NRG1: variants seen among roughly 807,000 people sequenced by gnomAD.
NRG1 encodes the protein neuregulin 1, also known as pro-neuregulin-1, membrane-bound isoform.
Under a neutral mutation model 63.8 loss-of-function variants are expected in NRG1, and 18 were observed. The ratio of observed to expected loss-of-function variants is 0.28; its 90% confidence interval spans 0.19 to 0.42. The LOEUF is 0.42. NRG1 is among the 10% of genes least tolerant of loss of function. The pLI, the probability that NRG1 is intolerant of heterozygous loss-of-function variation, is 1.00. For missense variants in NRG1, 762 were observed against 814.7 expected (o/e 0.94, Z 0.79); for synonymous variants, 302 against 301.3 (o/e 1.00, Z -0.02).
At chr8:32,256,350 G>C (rs1213409117) in intron 1 of NRG1, 2 of 152,132 alleles carry the variant, frequency 1.3e-5, no homozygotes, top group African/African-American at 2.4e-5. Flanking sequence ...TTTGATACTG[G>C]TGACCTTTGG....
chr8:32,235,370 C>G (rs543851097), intron 1 of NRG1, among the ~76,000 whole-genome samples: 1 of 151,934 alleles, frequency 6.6e-6, no homozygotes, highest in Non-Finnish European at 1.5e-5. Context: ...TGCACTCTAC[C>G]CTAGGGTGCA....
At chr8:32,560,988 A>G (rs1427703714) in intron 1 of NRG1, among the ~76,000 whole-genome samples, 1 of 152,212 alleles carries the variant, frequency 6.6e-6, no homozygotes, top group Non-Finnish European at 1.5e-5. Flanking sequence ...GGTCTTAAAT[A>G]TAACTACAGT....
chr8:31,971,551 TA>T (rs1331862130), intron 1 of NRG1, among the ~76,000 whole-genome samples: 4 of 152,164 alleles, frequency 2.6e-5, no homozygotes, highest in African/African-American at 9.7e-5. Context: ...AAAAAATGCC[TA>T]CATTTGAAAC....
At chr8:32,589,486 C>T (rs577021469) in intron 1 of NRG1, among the ~76,000 whole-genome samples, 2 of 152,324 alleles carry the variant, frequency 1.3e-5, no homozygotes, top group South Asian at 4.1e-4. Context: ...GCAGGGAAGA[C>T]TTAGCTGGGA....
Position 31,858,991 on chromosome 8 carries a change from C to G in NRG1, c.37+219560C>G, listed in dbSNP as rs1828216351. 2.6e-5 allele frequency among the ~76,000 whole-genome samples: 4 copies of G among 152,138 alleles called. No individual in the cohort carries two copies. The South Asian group carries it at 8.3e-4, about 32-fold the overall frequency. ...ATACTTTCCAGGAGTTCATCAAATC[C>G]TGAAGTATAGATTTTTATGCTACAG... On this transcript the variant is annotated intron_variant, in intron 1 of 10. Transcript: ENST00000519301.
At chr8:31,888,346 A>T (rs1040933582) in intron 1 of NRG1, among the ~76,000 whole-genome samples, 4 of 152,176 alleles carry the variant, frequency 2.6e-5, no homozygotes, top group African/African-American at 9.6e-5. Flanking sequence ...GTCACAGTTC[A>T]GCAAAACAAA....
chr8:32,454,195 A>G lies in NRG1; in HGVS notation c.38-141633A>G, dbSNP rs189898076. On this transcript the variant is annotated intron_variant, in intron 1 of 10. Coordinates refer to the NRG1 transcript ENST00000519301. Reference sequence around the variant, plus strand: ...AATTGTGGAGGAATTCTGGATCTGTATTTTATTGTGTATTACCAATTATTT... The same window carrying G: ...AATTGTGGAGGAATTCTGGATCTGTGTTTTATTGTGTATTACCAATTATTT... 2.0e-5 allele frequency among the ~76,000 whole-genome samples: 3 copies of G among 152,236 alleles called. No individual in the cohort carries two copies. In the East Asian group the frequency reaches 5.8e-4, roughly 29 times the overall value.
chr8:32,021,823 A>G (rs796708592), intron 1 of NRG1, among the ~76,000 whole-genome samples: 18 of 152,244 alleles, frequency 1.2e-4, no homozygotes, highest in African/African-American at 4.1e-4. Context: ...CATTGGTATT[A>G]TTTTCATTAA....
intron 1 of NRG1, among the ~76,000 whole-genome samples, chr8:32,498,617 C>T (rs955379947): frequency 6.6e-6 from 1 of 152,152 alleles, no homozygotes. Flanking sequence ...GACCAGGTCC[C>T]TTCCATGACA....
At chr8:31,840,874 T>C (rs1399362388) in intron 1 of NRG1, among the ~76,000 whole-genome samples, 2 of 152,162 alleles carry the variant, frequency 1.3e-5, no homozygotes, top group East Asian at 3.9e-4. Flanking sequence ...ATGCTTTCAG[T>C]TCCTATACAG....
intron 1 of NRG1, among the ~76,000 whole-genome samples, chr8:32,178,944 A>T (rs1368653995): frequency 6.6e-6 from 1 of 152,110 alleles, no homozygotes; most frequent in Admixed American, 6.6e-5. Context: ...ATAAGAAAGC[A>T]ATCAGGATCT....
At chr8:32,454,286 T>A (rs768593238) in intron 1 of NRG1, among the ~76,000 whole-genome samples, 4 of 152,202 alleles carry the variant, frequency 2.6e-5, no homozygotes, top group Non-Finnish European at 4.4e-5. Flanking sequence ...GAAAAATTAT[T>A]GGCAGCTATG....
intron 1 of NRG1, among the ~76,000 whole-genome samples, chr8:31,796,170 G>A (rs1821185100): frequency 6.6e-6 from 1 of 152,116 alleles, no homozygotes; most frequent in African/African-American, 2.4e-5. Flanking sequence ...ATTCTCATAT[G>A]TTAAGACCAC....
chr8:32,252,486 TA>T (rs1185870293), intron 1 of NRG1, among the ~76,000 whole-genome samples: 3 of 152,172 alleles, frequency 2.0e-5, no homozygotes, highest in Non-Finnish European at 4.4e-5. Context: ...GTCAGGTTTG[TA>T]AAAAATCAGA....
chr8:32,583,706 C>T (rs975140580), intron 1 of NRG1, among the ~76,000 whole-genome samples: 2 of 152,182 alleles, frequency 1.3e-5, no homozygotes, highest in Non-Finnish European at 2.9e-5. Flanking sequence ...CAATGCCCTA[C>T]CCTGGGCTCA....
At position 32,003,112 on chromosome 8, in the gene NRG1, T is replaced by C. The variant is rs1813210470; in HGVS notation, c.37+363681T>C. 2.6e-5 allele frequency among the ~76,000 whole-genome samples: 4 copies of C among 152,128 alleles called. No homozygotes were observed. The South Asian group carries it at 8.3e-4, about 31-fold the overall frequency. Reference sequence around the variant, plus strand: ...AGACTCCACTCATTTCCAAAATTACTGTTAACCACTTTTACCTTCAGTGAG... The same window carrying C: ...AGACTCCACTCATTTCCAAAATTACCGTTAACCACTTTTACCTTCAGTGAG... On this transcript the variant is annotated intron_variant, in intron 1 of 10. Transcript: ENST00000519301.
intron 1 of NRG1, among the ~76,000 whole-genome samples, chr8:31,835,888 G>A (rs982165973): frequency 6.6e-6 from 1 of 152,146 alleles, no homozygotes; most frequent in Non-Finnish European, 1.5e-5. Context: ...GTTCACTAAG[G>A]TAGCAACTAG....
intron 1 of NRG1, among the ~76,000 whole-genome samples, chr8:32,486,413 G>A (rs1034866656): frequency 2.6e-5 from 4 of 152,030 alleles, no homozygotes; most frequent in Admixed American, 6.6e-5. Context: ...CTCTACTTAC[G>A]CCACCCAGGT....
intron 1 of NRG1, among the ~76,000 whole-genome samples, chr8:32,215,465 G>C (rs1586144259): frequency 6.6e-6 from 1 of 152,160 alleles, no homozygotes; most frequent in African/African-American, 2.4e-5. Flanking sequence ...CATTTGCTGT[G>C]TGCCAGCCAT....
Sources: allele counts gnomAD v4.1 joint callset (sites outside exome capture counted in the v4.1 genomes callset), GRCh38; gene constraint gnomAD v4.1.1; transcripts MANE v1.5; gene names NCBI Gene and HGNC (gene_info 2026-07-23, HGNC 2026-07-21).